Variants in LHFPL6 observed in about 807,000 individuals in gnomAD.
LHFPL6 encodes LHFPL tetraspan subfamily member 6 protein.
A neutral mutation model predicts 20.6 loss-of-function variants in LHFPL6; 9 were observed. The observed-to-expected ratio is 0.44, with a 90% CI of 0.26 to 0.76. LHFPL6 has a LOEUF of 0.76. Ranked by LOEUF, LHFPL6 falls within the 30% of genes least tolerant of loss-of-function variation. The pLI is 0.20. For synonymous variants in LHFPL6, 105 were observed against 98.7 expected, an observed-to-expected ratio of 1.06 and a Z score of -0.38; for missense variants, 218 against 253.5, an observed-to-expected ratio of 0.86 and a Z score of 0.95.
chr13:39,433,347 A>AT (rs1320448526), intron 2 of LHFPL6, among the ~76,000 whole-genome samples: 6 of 152,232 alleles, frequency 3.9e-5, no homozygotes, highest in Non-Finnish European at 5.9e-5. Context: ...AGTGACTGGC[A>AT]TTTTTTGGGG....
chr13:39,352,753 G>A (rs1566091454), intron 3 of LHFPL6, among the ~76,000 whole-genome samples: 1 of 149,978 alleles, frequency 6.7e-6, no homozygotes, highest in Non-Finnish European at 1.5e-5. Context: ...ATATTAGATT[G>A]TATCCTTGTT....
intron 2 of LHFPL6, among the ~76,000 whole-genome samples, chr13:39,573,649 T>C (rs1312014307): frequency 3.9e-5 from 6 of 152,126 alleles, no homozygotes; most frequent in Non-Finnish European, 8.8e-5. Flanking sequence ...TTAATTACAG[T>C]GTTATCTTTA....
chr13:39,389,422 A>T (rs1870649433), intron 2 of LHFPL6, among the ~76,000 whole-genome samples: 1 of 152,212 alleles, frequency 6.6e-6, no homozygotes, highest in Admixed American at 6.5e-5. Flanking sequence ...AAGAAGGGGT[A>T]TGGCCAAGCT....
chr13:39,460,842 T>G (rs112156179), intron 2 of LHFPL6, among the ~76,000 whole-genome samples: 9 of 152,282 alleles, frequency 5.9e-5, no homozygotes, highest in African/African-American at 1.9e-4. Context: ...CCTTTCCAAC[T>G]TTTATTTTAG....
At chr13:39,488,144 T>C (rs547600631) in intron 2 of LHFPL6, among the ~76,000 whole-genome samples, 2 of 152,174 alleles carry the variant, frequency 1.3e-5, no homozygotes, top group East Asian at 3.9e-4. Flanking sequence ...CCAGGGAGCA[T>C]ATTACCCGCA....
rs762584533 is a variant in LHFPL6, at chr13:39,600,887, G to C, written c.330C>G (p.Ser110=). 1.3e-6 allele frequency: 2 copies of C among 1,550,770 alleles called. No individual in the cohort carries two copies. Among genetic ancestry groups the C allele is most frequent in the South Asian group, 2.5e-5 (2 of 80,804 alleles). Residue 110 remains serine (S), a synonymous_variant, in exon 2 of 4, where the codon TCC becomes TCG. Transcript: ENST00000379589. ...ALTALMGCCV[S]DLISRTVGRV... is the part of the protein sequence containing the mutation. ...TTCCCACTGTCCTGGAGATGAGGTC[G>C]GAAACACAGCAACCCATGAGGGCAG... is the stretch of plus-strand genomic sequence containing the variant.
chr13:39,508,434 T>A (rs1284649471), intron 2 of LHFPL6, among the ~76,000 whole-genome samples: 2 of 152,226 alleles, frequency 1.3e-5, no homozygotes, highest in Non-Finnish European at 2.9e-5. Flanking sequence ...GTATATCTAT[T>A]ACCTGATCAC....
intron 2 of LHFPL6, among the ~76,000 whole-genome samples, chr13:39,537,348 G>C (rs1209831650): frequency 1.3e-5 from 2 of 152,094 alleles, no homozygotes; most frequent in African/African-American, 4.8e-5. Flanking sequence ...TAGGTATAAA[G>C]CAAAAGAGGA....
chr13:39,579,847 A>G (rs1337214404), intron 2 of LHFPL6, among the ~76,000 whole-genome samples: 1 of 152,210 alleles, frequency 6.6e-6, no homozygotes, highest in African/African-American at 2.4e-5. Flanking sequence ...TAACAATGGC[A>G]TCTTTCTGAG....
In LHFPL6 at chr13:39,400,449, C is replaced by T. The variant is rs916490884; in HGVS notation, c.386-21923G>A. Among the ~76,000 whole-genome samples the T allele has an allele frequency of 3.9e-4, 59 of 152,168 alleles. 1 individual carries two copies. The highest frequency in any genetic ancestry group is 3.7e-3 in the Admixed American group (57 of 15,276). On this transcript the variant is annotated intron_variant, in intron 2 of 3. Transcript: ENST00000379589. ...TTGCAGACAGTTCCACTGGACAGTG[C>T]TGTGTTAGACAGAATGGTTTTCAGA...
intron 2 of LHFPL6, among the ~76,000 whole-genome samples, chr13:39,399,642 T>C (rs1276915569): frequency 6.6e-6 from 1 of 152,218 alleles, no homozygotes; most frequent in Non-Finnish European, 1.5e-5. Context: ...AAGATCACGC[T>C]GTGGAAAGCA....
At chr13:39,370,215 CG>C (rs1374240323) in intron 3 of LHFPL6, among the ~76,000 whole-genome samples, 1 of 152,042 alleles carries the variant, frequency 6.6e-6, no homozygotes, top group Non-Finnish European at 1.5e-5. Flanking sequence ...CCCTTGGACG[CG>C]GAAGTTTCCC....
At chr13:39,348,805 C>T (rs538923247) in intron 3 of LHFPL6, among the ~76,000 whole-genome samples, 4 of 152,318 alleles carry the variant, frequency 2.6e-5, no homozygotes, top group African/African-American at 9.6e-5. Flanking sequence ...CTCCCACTCT[C>T]CCCACACTAC....
intron 2 of LHFPL6, among the ~76,000 whole-genome samples, chr13:39,553,462 A>C (rs913162166): frequency 6.6e-6 from 1 of 152,130 alleles, no homozygotes; most frequent in Middle Eastern, 3.2e-3. Flanking sequence ...CTCTTATCAC[A>C]ATACTTGGGG....
chr13:39,506,754 A>C (rs1869499730), intron 2 of LHFPL6, among the ~76,000 whole-genome samples: 1 of 152,076 alleles, frequency 6.6e-6, no homozygotes. Flanking sequence ...ATAATGTGAG[A>C]TCTCACATAT....
intron 2 of LHFPL6, among the ~76,000 whole-genome samples, chr13:39,562,691 CACACAT>C (rs1871577285): frequency 6.7e-6 from 1 of 150,100 alleles, no homozygotes; most frequent in Non-Finnish European, 1.5e-5. Context: ...CACACACACA[CACACAT>C]ATATATATAT....
chr13:39,462,365 TTTGCTTTGG>T (rs2138429770), intron 2 of LHFPL6, among the ~76,000 whole-genome samples: 1 of 152,306 alleles, frequency 6.6e-6, no homozygotes, highest in East Asian at 1.9e-4. Context: ...TTAAAATTCC[TTTGCTTTGG>T]TTGCTTTTAA....
At chr13:39,533,419 AGAAAAG>A (rs71967674) in intron 2 of LHFPL6, among the ~76,000 whole-genome samples, 78,892 of 151,430 alleles carry the variant, frequency 0.52, 21,246 homozygotes, top group Admixed American at 0.62. Context: ...GTCTGAATAG[AGAAAAG>A]GAAACAGCAA....
intron 2 of LHFPL6, among the ~76,000 whole-genome samples, chr13:39,474,474 T>C (rs1227662602): frequency 6.6e-6 from 1 of 152,234 alleles, no homozygotes; most frequent in Non-Finnish European, 1.5e-5. Context: ...AATTTAAAAA[T>C]TATGATATTG....
Sources: allele counts gnomAD v4.1 joint callset (sites outside exome capture counted in the v4.1 genomes callset), GRCh38; gene constraint gnomAD v4.1.1; transcripts MANE v1.5; gene names NCBI Gene and HGNC (gene_info 2026-07-23, HGNC 2026-07-21).